Variants in PIK3C2G observed in about 807,000 individuals in gnomAD.
PIK3C2G encodes phosphatidylinositol-4-phosphate 3-kinase catalytic subunit type 2 gamma.
Under a neutral mutation model 181.1 loss-of-function variants are expected in PIK3C2G, and 168 were observed. The ratio of observed to expected loss-of-function variants is 0.93; its 90% CI spans 0.82 to 1.05. The LOEUF is 1.05. Ranked by LOEUF, PIK3C2G falls within the 50% of genes least tolerant of loss-of-function variation. The pLI is 0.00. For missense variants in PIK3C2G, 1,869 were observed against 1,732.8 expected, an observed-to-expected ratio of 1.08 and a Z score of -1.40; for synonymous variants, 573 against 592.2, an observed-to-expected ratio of 0.97 and a Z score of 0.47.
chr12:18,559,865 GAC>G (rs1491164618), intron 26 of PIK3C2G, among the ~76,000 whole-genome samples: 19 of 126,826 alleles, frequency 1.5e-4, no homozygotes, highest in African/African-American at 4.2e-4. Context: ...GAGAGAGAGA[GAC>G]AGTTTTGCTC....
At chr12:18,404,618 G>A (rs1944419328) in intron 16 of PIK3C2G, among the ~76,000 whole-genome samples, 1 of 152,180 alleles carries the variant, frequency 6.6e-6, no homozygotes, top group African/African-American at 2.4e-5. Context: ...GACATTCCAA[G>A]AAGGAAGACT....
chr12:18,720,850 C>CT, the PIK3C2G span, among the ~76,000 whole-genome samples: 1 of 151,862 alleles, frequency 6.6e-6, no homozygotes, highest in Non-Finnish European at 1.5e-5. Flanking sequence ...TGATACAATA[C>CT]TAAGCAGCCA....
At chr12:18,672,028 C>T in the PIK3C2G span, among the ~76,000 whole-genome samples, 1 of 152,098 alleles carries the variant, frequency 6.6e-6, no homozygotes, top group Non-Finnish European at 1.5e-5. Context: ...ACCAAAGGCC[C>T]CACCTACTAA....
chr12:18,598,289 A>T (rs1947492055), intron 30 of PIK3C2G, among the ~76,000 whole-genome samples: 1 of 151,982 alleles, frequency 6.6e-6, no homozygotes, highest in East Asian at 1.9e-4. Flanking sequence ...TGGTACTGGT[A>T]CCAAAACAGA....
chr12:18,476,568 T>G (rs1479952934), intron 18 of PIK3C2G, among the ~76,000 whole-genome samples: 2 of 152,050 alleles, frequency 1.3e-5, no homozygotes, highest in African/African-American at 4.8e-5. Flanking sequence ...AAGGCCCCAG[T>G]TAAACTCTGT....
At chr12:18,299,079 G>A (rs1168031405) in intron 5 of PIK3C2G, among the ~76,000 whole-genome samples, 1 of 151,720 alleles carries the variant, frequency 6.6e-6, no homozygotes, top group Non-Finnish European at 1.5e-5. Flanking sequence ...TTCTATTTCT[G>A]TGAAGAATAT....
rs768734704 is a variant in PIK3C2G, at chr12:18,282,431, C to T, written c.350C>T (p.Pro117Leu). Reference protein sequence around the residue: ...IGFSPSVLPKPQNTNKECSWG... With the variant: ...IGFSPSVLPKLQNTNKECSWG... ...TTTAGTCCTTCTGTGTTACCAAAACCTCAAAATACGAATAAAGAATGCTCC... is the reference window on the plus strand; with the variant it reads ...TTTAGTCCTTCTGTGTTACCAAAACTTCAAAATACGAATAAAGAATGCTCC... Residue 117 changes from proline to leucine, a missense_variant, in exon 2 of 33, where the codon CCT becomes CTT. Transcript: ENST00000538779. The T allele has an allele frequency of 3.1e-6, 5 of 1,612,236 alleles. No homozygotes were observed. In the South Asian group the frequency reaches 5.5e-5, roughly 18 times the overall value.
chr12:18,707,339 A>G, the PIK3C2G span, among the ~76,000 whole-genome samples: 7 of 152,196 alleles, frequency 4.6e-5, no homozygotes, highest in African/African-American at 1.4e-4. Flanking sequence ...TCCAAATATA[A>G]TAAGTAATTC....
the PIK3C2G span, chr12:18,692,897 A>G: frequency 6.2e-7 from 1 of 1,601,976 alleles, no homozygotes; most frequent in Non-Finnish European, 8.5e-7. Flanking sequence ...AGAAGAAAAC[A>G]AAGGGACCAG....
At chr12:18,528,248 T>C (rs1303442478) in intron 24 of PIK3C2G, among the ~76,000 whole-genome samples, 1 of 152,192 alleles carries the variant, frequency 6.6e-6, no homozygotes, top group Non-Finnish European at 1.5e-5. Context: ...CTCTGAAATG[T>C]AGGTCATTTG....
chr12:18,607,461 A>G (rs547798128), intron 30 of PIK3C2G, among the ~76,000 whole-genome samples: 1 of 152,322 alleles, frequency 6.6e-6, no homozygotes, highest in East Asian at 1.9e-4. Flanking sequence ...AGGATTCCCT[A>G]TTTAATAAAT....
At chr12:18,278,239 T>C (rs1022694407) in intron 1 of PIK3C2G, among the ~76,000 whole-genome samples, 2 of 152,210 alleles carry the variant, frequency 1.3e-5, no homozygotes, top group Non-Finnish European at 2.9e-5. Flanking sequence ...CAGGGCTGTA[T>C]TCCTTTCTGG....
At chr12:18,362,673 T>A (rs1435793883) in intron 11 of PIK3C2G, 91 bp from the exon 12 acceptor site, 3 of 906,580 alleles carry the variant, frequency 3.3e-6, no homozygotes, top group Admixed American at 3.5e-5. Flanking sequence ...ACTTTATCAT[T>A]TGACTTTTGA....
intron 31 of PIK3C2G, among the ~76,000 whole-genome samples, chr12:18,614,900 C>A (rs1948520475): frequency 6.6e-6 from 1 of 152,088 alleles, no homozygotes; most frequent in African/African-American, 2.4e-5. Flanking sequence ...TTACTTATTT[C>A]TATAAATTGT....
At chr12:18,316,831 TA>T (rs1950884115) in intron 6 of PIK3C2G, among the ~76,000 whole-genome samples, 1 of 152,080 alleles carries the variant, frequency 6.6e-6, no homozygotes, top group Admixed American at 6.6e-5. Context: ...ATTTGCTATG[TA>T]ACTGCTGTGT....
the PIK3C2G span, chr12:18,715,943 T>C: frequency 6.6e-6 from 1 of 152,172 alleles, no homozygotes; most frequent in Non-Finnish European, 1.5e-5. Flanking sequence ...AGAATATTCA[T>C]AGAGAAATCT....
chr12:18,648,184 A>C lies in PIK3C2G; in HGVS notation c.*156A>C. ...TCAGAATTAGTCTTTTGTGTTGTTT[A>C]TTTTCTACCTGTGCTTTCATTGTTT... On this transcript the variant is annotated 3_prime_UTR_variant, in exon 33 of 33. Transcript: ENST00000538779. 1 of 385,682 alleles carries C rather than the reference A, an allele frequency of 2.6e-6. No homozygotes were observed. Among genetic ancestry groups the C allele is most frequent in the Non-Finnish European group, 4.6e-6 (1 of 217,328 alleles). The allele number at this position is 385,682 out of a possible 1,614,324, so 23.9% of individuals were successfully genotyped here.
chr12:18,578,304 G>T (rs1946332054), intron 29 of PIK3C2G, among the ~76,000 whole-genome samples: 2 of 152,016 alleles, frequency 1.3e-5, no homozygotes, highest in African/African-American at 2.4e-5. Context: ...CACACGTTGG[G>T]TTTTTTTTCC....
the PIK3C2G span, chr12:18,696,292 T>C: frequency 1.0e-6 from 1 of 991,676 alleles, no homozygotes; most frequent in Non-Finnish European, 1.5e-6. Flanking sequence ...TAAAACATTG[T>C]GAAAGAATTC....
Sources: allele counts gnomAD v4.1 joint callset (sites outside exome capture counted in the v4.1 genomes callset), GRCh38; gene constraint gnomAD v4.1.1; transcripts MANE v1.5; gene names NCBI Gene and HGNC (gene_info 2026-07-23, HGNC 2026-07-21).